NUSAP1: variants seen among roughly 807,000 people sequenced by gnomAD.
NUSAP1 encodes the protein nucleolar and spindle-associated protein 1.
A neutral mutation model predicts 52.8 loss-of-function variants in NUSAP1; 32 were observed. The observed-to-expected ratio is 0.61, with a 90% CI of 0.46 to 0.81. The LOEUF is 0.81. Among genes scored for constraint, NUSAP1 ranks in the 40% least tolerant of loss-of-function variants. The pLI, the probability that NUSAP1 is intolerant of heterozygous loss-of-function variation, is 0.00. For synonymous variants in NUSAP1, 195 were observed against 183.1 expected, an observed-to-expected ratio of 1.06 and a Z score of -0.52; for missense variants, 499 against 522.3, an observed-to-expected ratio of 0.96 and a Z score of 0.43.
intron 2 of NUSAP1, among the ~76,000 whole-genome samples, chr15:41,347,538 G>A (rs970507873): frequency 4.6e-5 from 7 of 151,900 alleles, no homozygotes; most frequent in African/African-American, 7.3e-5. Flanking sequence ...AGACATGGCC[G>A]GGTGCGGTGG....
rs759570198 is a variant in NUSAP1, at chr15:41,380,199, A to C, written c.*13A>C. Reference sequence around the variant, plus strand: ...GGCTGAAGATTAATAATTTTTTAACATCTTGTAAATATTCCTGTATTCTCA... The same window carrying C: ...GGCTGAAGATTAATAATTTTTTAACCTCTTGTAAATATTCCTGTATTCTCA... On this transcript the variant is annotated 3_prime_UTR_variant, in exon 11 of 11. Coordinates refer to ENST00000559596, the MANE Select transcript of NUSAP1 (RefSeq NM_016359.5). 4 of 1,526,920 alleles carry C rather than the reference A, an allele frequency of 2.6e-6. No homozygotes were observed. The highest frequency in any genetic ancestry group is 1.4e-5 in the African/African-American group (1 of 72,384). The allele number at this position is 1,526,920 out of a possible 1,614,324, so 94.6% of individuals were successfully genotyped here.
chr15:41,359,936 C>A (rs1217406689), intron 6 of NUSAP1, among the ~76,000 whole-genome samples: 7 of 151,944 alleles, frequency 4.6e-5, no homozygotes, highest in East Asian at 1.9e-4. Flanking sequence ...CTCACTGTTA[C>A]CACATTTGAA....
chr15:41,360,869 A>T (rs1394504451), intron 6 of NUSAP1, among the ~76,000 whole-genome samples: 1 of 141,908 alleles, frequency 7.0e-6, no homozygotes, highest in Non-Finnish European at 1.5e-5. Flanking sequence ...ATCTTGGCTC[A>T]CTGCAACCTG....
chr15:41,334,529 C>T (rs997618704), intron 1 of NUSAP1, among the ~76,000 whole-genome samples: 2 of 152,190 alleles, frequency 1.3e-5, no homozygotes, highest in East Asian at 1.9e-4. Flanking sequence ...CTCTATACTT[C>T]GTAAACAAAG....
chr15:41,368,109 T>C (rs1304639970), intron 7 of NUSAP1, among the ~76,000 whole-genome samples: 5 of 152,194 alleles, frequency 3.3e-5, no homozygotes, highest in African/African-American at 4.8e-5. Flanking sequence ...TTGTCCTTTC[T>C]TGTGGGGGGA....
At chr15:41,351,631 A>G (rs1211695355) in intron 4 of NUSAP1, among the ~76,000 whole-genome samples, 2 of 152,098 alleles carry the variant, frequency 1.3e-5, no homozygotes, top group African/African-American at 2.4e-5. Flanking sequence ...ACAAAAAGTC[A>G]AAAGAATCAG....
intron 1 of NUSAP1, among the ~76,000 whole-genome samples, chr15:41,335,352 C>T (rs935990662): frequency 3.5e-5 from 5 of 141,300 alleles, no homozygotes; most frequent in Admixed American, 1.5e-4. Flanking sequence ...ATACTAAATA[C>T]ACTAAAATAA....
rs2048959948 is a variant in NUSAP1 at position 41,356,090 on chromosome 15, A to G, written c.500A>G (p.Asp167Gly). The G allele has an allele frequency of 2.5e-6, 4 of 1,609,470 alleles. No individual in the cohort carries two copies. Among genetic ancestry groups the G allele is most frequent in the Non-Finnish European group, 3.4e-6 (4 of 1,177,922 alleles). Residue 167 changes from aspartate (D) to glycine (G), a missense_variant, in exon 5 of 11, where the codon GAT (aspartate) becomes GGT (glycine). Asp to Gly is a moderately conservative substitution (Grantham distance 94). Transcript: ENST00000559596. ...GAAGGAAAGAAATCTCTCTACACAG[A>G]TGAGTCATCCAAACCTGGAAAAAAT... The part of the protein sequence containing the change: ...PSEGKKSLYT[D>G]ESSKPGKNKR...
rs1403256597 is a variant in NUSAP1 at position 41,358,089 on chromosome 15, CAG to C, written c.551-56_551-55del. ...GAGAATAAGTGTTAACAGAAAAACA[CAG>C]AGAAGATAAATAAATGGATTTTGTT... On this transcript the variant is annotated intron_variant, in intron 5 of 10. Coordinates refer to ENST00000559596, the MANE Select transcript of NUSAP1 (RefSeq NM_016359.5). The C allele has an allele frequency of 8.1e-6, 6 of 741,262 alleles. No individual in the cohort carries two copies. In the African/African-American group the frequency reaches 9.1e-5, roughly 11 times the overall value. The allele number at this position is 741,262 out of a possible 1,614,324, so 45.9% of individuals were successfully genotyped here. A position where few individuals can be genotyped will look rare whatever the true frequency, so the allele number is the denominator to read the frequency against.
At chr15:41,370,741 C>G (rs1001173882) in intron 7 of NUSAP1, among the ~76,000 whole-genome samples, 5 of 135,912 alleles carry the variant, frequency 3.7e-5, no homozygotes, top group African/African-American at 1.4e-4. Flanking sequence ...CCGAGCAAAA[C>G]TCCATCTCAA....
chr15:41,364,497 G>A (rs1360276558), intron 6 of NUSAP1, among the ~76,000 whole-genome samples: 4 of 151,884 alleles, frequency 2.6e-5, no homozygotes, highest in African/African-American at 7.3e-5. Context: ...AGTGAGCTGA[G>A]ACCATGCCAT....
In NUSAP1 at chr15:41,365,564, ATC is replaced by A. The variant is rs2049365278; in HGVS notation, c.827_828del (p.Ser276CysfsTer3). 1 of 1,606,432 alleles carries A rather than the reference ATC, an allele frequency of 6.2e-7. No individual in the cohort carries two copies. Among genetic ancestry groups the A allele is most frequent in the South Asian group, 1.1e-5 (1 of 90,454 alleles). On this transcript the variant is annotated frameshift_variant, in exon 7 of 11. Coordinates refer to ENST00000559596, the MANE Select transcript of NUSAP1 (RefSeq NM_016359.5). LOFTEE classifies it high-confidence loss of function. ...GAAGGGGTCACTCAAGCGCTCTGCT[ATC>A]TCTGCAGCTAAAACGGGTGTCAGGT... Reference protein sequence around the residue: ...GLKGSLKRSAISAAKTGVRFS... With the variant: ...GLKGSLKRSAXSAAKTGVRFS...
chr15:41,367,077 G>A lies in NUSAP1; in HGVS notation c.848+1488G>A, dbSNP rs564698997. On this transcript the variant is annotated intron_variant, in intron 7 of 10. Transcript: ENST00000559596. ...TGGTGGCTTTGCCAGGTTTGGGACC[G>A]TGGGGCTGTTTCTCAGCCCTGGTAT... 4.6e-5 allele frequency among the ~76,000 whole-genome samples: 7 copies of A among 152,336 alleles called. No homozygotes were observed. In the East Asian group the frequency reaches 5.8e-4, roughly 13 times the overall value.
intron 7 of NUSAP1, among the ~76,000 whole-genome samples, chr15:41,370,148 G>T (rs1040999018): frequency 2.0e-5 from 3 of 151,842 alleles, no homozygotes; most frequent in Non-Finnish European, 4.4e-5. Flanking sequence ...TTGGGAGGCC[G>T]AGACGGGCGG....
chr15:41,334,015 C>T (rs1170319985), intron 1 of NUSAP1, among the ~76,000 whole-genome samples: 2 of 152,196 alleles, frequency 1.3e-5, no homozygotes, highest in East Asian at 1.9e-4. Flanking sequence ...TGAGACTTCC[C>T]ACATAATACT....
chr15:41,359,277 A>G (rs1002329751), intron 6 of NUSAP1, among the ~76,000 whole-genome samples: 2 of 152,056 alleles, frequency 1.3e-5, no homozygotes, highest in Non-Finnish European at 1.5e-5. Context: ...ATTTATTTCT[A>G]TTCGCTGTAT....
At chr15:41,370,880 C>T (rs1418951434) in intron 7 of NUSAP1, among the ~76,000 whole-genome samples, 2 of 152,036 alleles carry the variant, frequency 1.3e-5, no homozygotes, top group African/African-American at 2.4e-5. Context: ...TGAGATCATA[C>T]CACTGCATGC....
At chr15:41,349,956 G>T (rs772405248) in intron 3 of NUSAP1, among the ~76,000 whole-genome samples, 1 of 151,816 alleles carries the variant, frequency 6.6e-6, no homozygotes, top group Non-Finnish European at 1.5e-5. Context: ...TAGTAGAGAC[G>T]AGATTTCACC....
At chr15:41,337,008 T>TC (rs1230597080) in intron 1 of NUSAP1, among the ~76,000 whole-genome samples, 16 of 133,864 alleles carry the variant, frequency 1.2e-4, no homozygotes, top group Non-Finnish European at 1.8e-4. Context: ...TCTTTTTTTT[T>TC]TTTTTTTTTT....
Sources: allele counts gnomAD v4.1 joint callset (sites outside exome capture counted in the v4.1 genomes callset), GRCh38; gene constraint gnomAD v4.1.1; transcripts MANE v1.5; gene names NCBI Gene and HGNC (gene_info 2026-07-23, HGNC 2026-07-21).